The following FHIT variants were observed in gnomAD, a reference collection of about 807,000 sequenced individuals.
The protein encoded by FHIT is bis(5'-adenosyl)-triphosphatase.
A neutral mutation model predicts 17.9 loss-of-function variants in FHIT; 19 were observed. The ratio of observed to expected loss-of-function variants is 1.06; its 90% CI spans 0.74 to 1.56. The LOEUF is 1.56. FHIT is among the 40% of genes most tolerant of loss of function. The probability of loss-of-function intolerance (pLI) is 0.00; values close to 1 mark genes in which losing one functional copy is unlikely to be tolerated. For missense variants in FHIT, 248 were observed against 189.2 expected, an observed-to-expected ratio of 1.31 and a Z score of -1.82; for synonymous variants, 81 against 69.7, an observed-to-expected ratio of 1.16 and a Z score of -0.81.
intron 5 of FHIT, among the ~76,000 whole-genome samples, chr3:60,114,857 G>T (rs1704882769): frequency 6.6e-6 from 1 of 151,964 alleles, no homozygotes; most frequent in African/African-American, 2.4e-5. Flanking sequence ...CTGATTCAAG[G>T]GTATCCAGGT....
At chr3:60,106,163 T>C (rs1704401038) in intron 5 of FHIT, among the ~76,000 whole-genome samples, 1 of 152,198 alleles carries the variant, frequency 6.6e-6, no homozygotes. Flanking sequence ...TCAACTGTTG[T>C]GGTATGGCAG....
intron 3 of FHIT, among the ~76,000 whole-genome samples, chr3:60,920,005 G>A (rs1230362824): frequency 6.6e-6 from 1 of 151,470 alleles, no homozygotes; most frequent in East Asian, 1.9e-4. Flanking sequence ...CTGCACTCCA[G>A]CCTGGGCGAC....
chr3:60,393,837 T>C (rs1701329831), intron 5 of FHIT, among the ~76,000 whole-genome samples: 1 of 152,168 alleles, frequency 6.6e-6, no homozygotes, highest in African/African-American at 2.4e-5. Flanking sequence ...ATGCCAGGCT[T>C]GGATTCTCTT....
chr3:59,756,855 T>A (rs1701245464), intron 8 of FHIT, among the ~76,000 whole-genome samples: 1 of 152,212 alleles, frequency 6.6e-6, no homozygotes, highest in Non-Finnish European at 1.5e-5. Flanking sequence ...CTATTTTAAT[T>A]CCTTAGTTCA....
intron 5 of FHIT, among the ~76,000 whole-genome samples, chr3:60,303,093 C>T (rs752166606): frequency 5.3e-5 from 8 of 152,082 alleles, no homozygotes; most frequent in African/African-American, 1.4e-4. Flanking sequence ...ATATTGTCAT[C>T]GAGACTGACA....
At chr3:60,009,562 C>T (rs1262862929) in intron 7 of FHIT, among the ~76,000 whole-genome samples, 2 of 151,874 alleles carry the variant, frequency 1.3e-5, no homozygotes, top group African/African-American at 2.4e-5. Context: ...TGGAGTTACA[C>T]AATCTGTAGC....
chr3:60,063,649 T>C (rs948887421), intron 5 of FHIT, among the ~76,000 whole-genome samples: 2 of 152,218 alleles, frequency 1.3e-5, no homozygotes, highest in African/African-American at 4.8e-5. Flanking sequence ...AGAGAACATT[T>C]CTTGCATATC....
intron 5 of FHIT, among the ~76,000 whole-genome samples, chr3:60,171,849 C>A (rs908815934): frequency 2.8e-5 from 4 of 144,184 alleles, no homozygotes; most frequent in African/African-American, 1.0e-4. Flanking sequence ...AGGATTATAA[C>A]CATGTGCCAC....
chr3:61,072,146 G>C (rs1258008349), intron 2 of FHIT, among the ~76,000 whole-genome samples: 1 of 152,140 alleles, frequency 6.6e-6, no homozygotes, highest in Non-Finnish European at 1.5e-5. Flanking sequence ...CTGGACCTTT[G>C]GGATAGAGTT....
intron 8 of FHIT, among the ~76,000 whole-genome samples, chr3:59,872,172 G>T (rs1702954628): frequency 6.6e-6 from 1 of 152,114 alleles, no homozygotes; most frequent in African/African-American, 2.4e-5. Flanking sequence ...CCTCAGCAGG[G>T]GAAAGGAAAA....
chr3:59,972,033 G>T (rs898373220), intron 7 of FHIT, among the ~76,000 whole-genome samples: 2 of 152,080 alleles, frequency 1.3e-5, no homozygotes, highest in Non-Finnish European at 2.9e-5. Flanking sequence ...GCCTTGAATG[G>T]ATAGGAATGT....
intron 3 of FHIT, among the ~76,000 whole-genome samples, chr3:60,950,859 C>T (rs1397018775): frequency 1.3e-5 from 2 of 152,000 alleles, no homozygotes; most frequent in African/African-American, 2.4e-5. Flanking sequence ...TTAAAAGGAG[C>T]GGATTTATCT....
At position 60,344,017 on chromosome 3, in the gene FHIT, C is replaced by A. The variant is rs902480976; in HGVS notation, c.103+192843G>T. Reference sequence around the variant, plus strand: ...ACTTTGCTTTCAAACTCTATGACTACAGTTATCCAACAGAAGCTGGCCGAC... The same window carrying A: ...ACTTTGCTTTCAAACTCTATGACTAAAGTTATCCAACAGAAGCTGGCCGAC... On this transcript the variant is annotated intron_variant, in intron 5 of 9. Coordinates refer to ENST00000492590, the MANE Select transcript of FHIT (RefSeq NM_002012.4). Among the ~76,000 whole-genome samples, 4 of 152,314 alleles carry A rather than the reference C, an allele frequency of 2.6e-5. No individual in the cohort carries two copies. In the South Asian group the frequency reaches 8.3e-4, roughly 32 times the overall value.
intron 4 of FHIT, among the ~76,000 whole-genome samples, chr3:60,537,680 G>A (rs1162135725): frequency 6.6e-6 from 1 of 152,108 alleles, no homozygotes; most frequent in South Asian, 2.1e-4. Context: ...GGCAGGAAAG[G>A]GAGGCTGAAG....
intron 4 of FHIT, among the ~76,000 whole-genome samples, chr3:60,771,819 C>A (rs1700052453): frequency 6.6e-6 from 1 of 152,132 alleles, no homozygotes; most frequent in Admixed American, 6.5e-5. Flanking sequence ...GGATTTATTT[C>A]TTATGCAAAA....
At chr3:60,253,274 C>A (rs1705819924) in intron 5 of FHIT, among the ~76,000 whole-genome samples, 1 of 152,150 alleles carries the variant, frequency 6.6e-6, no homozygotes, top group Non-Finnish European at 1.5e-5. Flanking sequence ...AAAGGAAGAT[C>A]TGTCATGATA....
At chr3:60,948,700 G>A (rs1042992577) in intron 3 of FHIT, among the ~76,000 whole-genome samples, 2 of 152,312 alleles carry the variant, frequency 1.3e-5, no homozygotes, top group South Asian at 2.1e-4. Flanking sequence ...TCTGGTGGAG[G>A]AAGTATTAGT....
chr3:60,932,995 A>G (rs1553772212), intron 3 of FHIT, among the ~76,000 whole-genome samples: 1 of 152,222 alleles, frequency 6.6e-6, no homozygotes, highest in Admixed American at 6.5e-5. Flanking sequence ...AGTTATAAGT[A>G]TGCTCGTGGA....
chr3:60,005,691 T>C (rs879312080), intron 7 of FHIT, among the ~76,000 whole-genome samples: 2 of 152,200 alleles, frequency 1.3e-5, no homozygotes, highest in African/African-American at 2.4e-5. Flanking sequence ...CAATTCTTCA[T>C]GCAGGAAATA....
Sources: gnomAD v4.1 joint callset for allele counts (sites outside exome capture counted in the v4.1 genomes callset) on GRCh38, gnomAD v4.1.1 for gene constraint, MANE v1.5 for transcripts, NCBI Gene and HGNC (gene_info 2026-07-23, HGNC 2026-07-21) for gene names.